The following AFAP1L2 variants were observed in gnomAD, a reference collection of about 807,000 sequenced individuals.
AFAP1L2 encodes the protein actin filament-associated protein 1-like 2.
AFAP1L2 carries 46 observed loss-of-function variants against 99.3 expected under a neutral mutation model. That is an observed-to-expected ratio of 0.46 (90% CI 0.37 to 0.59). The LOEUF (loss-of-function observed/expected upper bound fraction) is 0.59. AFAP1L2 is among the 20% of genes least tolerant of loss of function. AFAP1L2 has a pLI of 0.00. For missense variants in AFAP1L2, 959 were observed against 1,034.9 expected, an observed-to-expected ratio of 0.93 and a Z score of 1.01; for synonymous variants, 397 against 419.1, an observed-to-expected ratio of 0.95 and a Z score of 0.64.
the AFAP1L2 span, chr10:114,289,507 C>T: frequency 6.2e-7 from 1 of 1,613,768 alleles, no homozygotes; most frequent in Non-Finnish European, 8.5e-7. Context: ...GGGGAATCCA[C>T]ACCCTCAGGG....
chr10:114,374,285 G>A (rs1256147604), intron 1 of AFAP1L2, among the ~76,000 whole-genome samples: 1 of 152,158 alleles, frequency 6.6e-6, no homozygotes, highest in African/African-American at 2.4e-5. Flanking sequence ...CTGAAACTTG[G>A]TCATTCAAGC....
At chr10:114,312,711 C>T (rs2043448042) in intron 7 of AFAP1L2, among the ~76,000 whole-genome samples, 2 of 152,232 alleles carry the variant, frequency 1.3e-5, no homozygotes, top group Admixed American at 1.3e-4. Flanking sequence ...CTTGTTAGCT[C>T]TCTCAGGAAC....
chr10:114,339,406 C>G (rs2048455433), intron 2 of AFAP1L2, among the ~76,000 whole-genome samples: 3 of 152,006 alleles, frequency 2.0e-5, no homozygotes, highest in African/African-American at 2.4e-5. Flanking sequence ...GAGATCGCGC[C>G]ACAACACTCC....
rs138569847 is a variant in AFAP1L2, at chr10:114,392,505, C to T, written c.16+11935G>A. ...GTCCTGAATTAAATTAGGACTTTCC[C>T]TCCTTCACCTCAGTTCTCAGCCACA... On this transcript the variant is annotated intron_variant, in intron 1 of 18. Transcript: ENST00000304129. Among the ~76,000 whole-genome samples, 939 of 152,250 alleles carry T rather than the reference C, an allele frequency of 6.2e-3. 8 individuals are homozygous for T. The highest frequency in any genetic ancestry group is 0.021 in the African/African-American group (889 of 41,546).
chr10:114,295,476 T>C lies in AFAP1L2; in HGVS notation c.*566A>G. On this transcript the variant is annotated 3_prime_UTR_variant, in exon 19 of 19. Transcript: ENST00000304129. ...TTATTGTTTCTCAAAACTCATGTCA[T>C]AGATGGTTTTACAGATGATGGTTTT... The C allele has an allele frequency of 2.0e-6, 2 of 985,488 alleles. No homozygotes were observed. The highest frequency in any genetic ancestry group is 2.4e-6 in the Non-Finnish European group (2 of 829,892). The allele number at this position is 985,488 out of a possible 1,614,324, so 61.0% of individuals were successfully genotyped here.
At position 114,324,293 on chromosome 10, in the gene AFAP1L2, G is replaced by A. The variant is rs574747197; in HGVS notation, c.316-1032C>T. ...GAGTCTCATTCTGTCACCCAGGCTGGAGTGCAATGGTGCAATCTCGGCTCA... is the reference window on the plus strand; with the variant it reads ...GAGTCTCATTCTGTCACCCAGGCTGAAGTGCAATGGTGCAATCTCGGCTCA... On this transcript the variant is annotated intron_variant, in intron 4 of 18. Transcript: ENST00000304129. Among the ~76,000 whole-genome samples the A allele has an allele frequency of 3.3e-5, 5 of 152,324 alleles. 1 individual carries two copies. In the South Asian group the frequency reaches 6.2e-4, roughly 19 times the overall value.
rs114903710 is a variant in AFAP1L2 at position 114,386,492 on chromosome 10, A to C, written c.16+17948T>G. Among the ~76,000 whole-genome samples, 1,046 of 152,360 alleles carry C rather than the reference A, an allele frequency of 6.9e-3. 16 individuals are homozygous for C. Among genetic ancestry groups the C allele is most frequent in the African/African-American group, 0.022 (929 of 41,586 alleles). Reference sequence around the variant, plus strand: ...TGATTGTGATGCCCTGCTTAATATCAACAAGGCAGCAGCAGCTGCAAAGCA... The same window carrying C: ...TGATTGTGATGCCCTGCTTAATATCCACAAGGCAGCAGCAGCTGCAAAGCA... On this transcript the variant is annotated intron_variant, in intron 1 of 18. Transcript: ENST00000304129.
chr10:114,304,631 A>G (rs2041812074), intron 11 of AFAP1L2, 88 bp downstream of exon 11: 4 of 1,225,040 alleles, frequency 3.3e-6, no homozygotes, highest in Non-Finnish European at 3.3e-6. Context: ...ATTCTCCCTT[A>G]GTAGCATTAC....
intron 1 of AFAP1L2, among the ~76,000 whole-genome samples, chr10:114,348,576 A>C (rs79317183): frequency 9.2e-5 from 14 of 152,226 alleles, no homozygotes; most frequent in African/African-American, 3.4e-4. Context: ...ACAGAACAGC[A>C]GTTCCTGCTT....
chr10:114,284,157 A>C, the AFAP1L2 span, among the ~76,000 whole-genome samples: 1 of 152,266 alleles, frequency 6.6e-6, no homozygotes, highest in African/African-American at 2.4e-5. Context: ...AATGGGCCAC[A>C]TTTTGACACA....
chr10:114,323,713 T>C (rs1286190605), intron 4 of AFAP1L2, among the ~76,000 whole-genome samples: 1 of 152,190 alleles, frequency 6.6e-6, no homozygotes, highest in African/African-American at 2.4e-5. Flanking sequence ...ACTTTTACCA[T>C]AATATAGTTC....
chr10:114,295,187 C>A lies in AFAP1L2; in HGVS notation c.*855G>T, dbSNP rs1054451712. On this transcript the variant is annotated 3_prime_UTR_variant, in exon 19 of 19. Transcript: ENST00000304129. Reference sequence around the variant, plus strand: ...ATCAGAGACTATTTATATTAAATAACTCTTCCCTTAAAAATGGCCTGACCA... The same window carrying A: ...ATCAGAGACTATTTATATTAAATAAATCTTCCCTTAAAAATGGCCTGACCA... 8.1e-6 allele frequency: 8 copies of A among 985,616 alleles called. No homozygotes were observed. Among genetic ancestry groups the A allele is most frequent in the Non-Finnish European group, 8.4e-6 (7 of 829,868 alleles). The allele number at this position is 985,616 out of a possible 1,614,324, so 61.1% of individuals were successfully genotyped here.
At position 114,300,609 on chromosome 10, in the gene AFAP1L2, G is replaced by T; in HGVS notation, c.1624C>A (p.Pro542Thr). The change falls in exon 14 of 19, where the codon CCT becomes ACT. Residue 542 changes from proline (P) to threonine (T), a missense_variant. Physicochemically the swap from Pro to Thr is conservative, Grantham distance 38. Coordinates refer to ENST00000304129, the MANE Select transcript of AFAP1L2 (RefSeq NM_001001936.3). ...ESDRVYLDLT[P>T]VKSFLHGPSS... is the part of the protein sequence containing the mutation. Reference sequence around the variant, plus strand: ...GGGCCATGCAGAAAGGACTTGACAGGTGTGAGGTCCAGGTACACTCGGTCA... The same window carrying T: ...GGGCCATGCAGAAAGGACTTGACAGTTGTGAGGTCCAGGTACACTCGGTCA... 1 of 1,614,122 alleles carries T rather than the reference G, an allele frequency of 6.2e-7. No individual in the cohort carries two copies. The highest frequency in any genetic ancestry group is 1.1e-5 in the South Asian group (1 of 91,076).
intron 1 of AFAP1L2, among the ~76,000 whole-genome samples, chr10:114,352,478 T>TAAAA (rs2050668035): frequency 8.7e-4 from 1 of 1,156 alleles, no homozygotes. Context: ...TGTCTCCAAA[T>TAAAA]TAAAAAAAAA....
intron 1 of AFAP1L2, among the ~76,000 whole-genome samples, chr10:114,368,374 A>G (rs2053588153): frequency 6.6e-6 from 1 of 152,172 alleles, no homozygotes; most frequent in African/African-American, 2.4e-5. Context: ...TAGCACAGCA[A>G]CTGACTATAG....
chr10:114,360,506 TAGTTAGATAGATAGA>T (rs1564978369), intron 1 of AFAP1L2, among the ~76,000 whole-genome samples: 17 of 93,164 alleles, frequency 1.8e-4, no homozygotes, highest in Admixed American at 8.2e-4. Context: ...GATAGATAGA[TAGTTAGATAGATAGA>T]TAGATAGATA....
At chr10:114,310,237 G>A (rs2043019628) in intron 8 of AFAP1L2, 117 bp downstream of exon 8, 1 of 1,096,510 alleles carries the variant, frequency 9.1e-7, no homozygotes, top group Admixed American at 2.6e-5. Flanking sequence ...CTCAAGCATT[G>A]TATGTTTCTT....
intron 1 of AFAP1L2, among the ~76,000 whole-genome samples, chr10:114,364,916 T>C (rs932914931): frequency 6.6e-6 from 1 of 152,198 alleles, no homozygotes; most frequent in Non-Finnish European, 1.5e-5. Context: ...TGTTTTAACA[T>C]CCATGTTCCA....
chr10:114,370,970 AG>A (rs2054010502), intron 1 of AFAP1L2, among the ~76,000 whole-genome samples: 1 of 152,254 alleles, frequency 6.6e-6, no homozygotes, highest in African/African-American at 2.4e-5. Context: ...ATTGGGACTT[AG>A]ATGACAGCAA....
Sources: gnomAD v4.1 joint callset for allele counts (sites outside exome capture counted in the v4.1 genomes callset) on GRCh38, gnomAD v4.1.1 for gene constraint, MANE v1.5 for transcripts, NCBI Gene and HGNC (gene_info 2026-07-23, HGNC 2026-07-21) for gene names.